GALNT17: variants seen among roughly 807,000 people sequenced by gnomAD.
GALNT17 encodes the protein UDP-GalNAc:polypeptide N-acetylgalactosaminyltransferase-like 3.
GALNT17 carries 29 observed loss-of-function variants against 63.7 expected under a neutral mutation model. The observed-to-expected ratio is 0.46, with a 90% confidence interval of 0.34 to 0.62. The LOEUF is 0.62. GALNT17 is among the 20% of genes least tolerant of loss of function. The pLI, the probability that GALNT17 is intolerant of heterozygous loss-of-function variation, is 0.01. For synonymous variants in GALNT17, 305 were observed against 318.3 expected, an observed-to-expected ratio of 0.96 and a Z score of 0.45; for missense variants, 603 against 799.6, an observed-to-expected ratio of 0.75 and a Z score of 2.97.
In GALNT17 at chr7:71,592,563, C is replaced by CTAAAATAAAATAAAATAAAATAAAA. The variant is rs71089963; in HGVS notation, c.1080+21181_1080+21205dup. Among the ~76,000 whole-genome samples, 168 of 69,744 alleles carry CTAAAATAAAATAAAATAAAATAAAA rather than the reference C, an allele frequency of 2.4e-3. 2 individuals are homozygous for CTAAAATAAAATAAAATAAAATAAAA. Among genetic ancestry groups the CTAAAATAAAATAAAATAAAATAAAA allele is most frequent in the Middle Eastern group, 0.011 (1 of 92 alleles). 45.8% of individuals were successfully genotyped at this position (69,744 alleles called of 152,430 possible). A position where few individuals can be genotyped will look rare whatever the true frequency, so the allele number is the denominator to read the frequency against. On this transcript the variant is annotated intron_variant, in intron 6 of 10. Coordinates refer to ENST00000333538, the MANE Select transcript of GALNT17 (RefSeq NM_022479.3). ...AAATAAAATAGCATAGCATAGCATA[C>CTAAAATAAAATAAAATAAAATAAAA]TAAAATAAAATAAAATAAAATAAAA... is the stretch of plus-strand genomic sequence containing the variant.
At chr7:71,420,464 G>A (rs1786641479) in intron 4 of GALNT17, among the ~76,000 whole-genome samples, 1 of 152,194 alleles carries the variant, frequency 6.6e-6, no homozygotes, top group Non-Finnish European at 1.5e-5. Flanking sequence ...CCTATTTTGG[G>A]AAAGGGAATT....
intron 6 of GALNT17, among the ~76,000 whole-genome samples, chr7:71,595,600 G>A (rs1307680022): frequency 2.0e-5 from 3 of 151,506 alleles, no homozygotes; most frequent in Non-Finnish European, 4.4e-5. Context: ...TGGCTTTGAA[G>A]ACGCCATCCT....
intron 6 of GALNT17, among the ~76,000 whole-genome samples, chr7:71,578,211 C>T (rs1248860202): frequency 6.6e-6 from 1 of 151,596 alleles, no homozygotes; most frequent in South Asian, 2.1e-4. Flanking sequence ...TAATTTTTTG[C>T]GTTTAATAGA....
intron 5 of GALNT17, among the ~76,000 whole-genome samples, chr7:71,525,246 G>A (rs781261552): frequency 2.6e-5 from 4 of 152,176 alleles, no homozygotes; most frequent in Non-Finnish European, 4.4e-5. Context: ...TGTGATCGCT[G>A]CTCACTGCAA....
intron 5 of GALNT17, among the ~76,000 whole-genome samples, chr7:71,552,411 C>T (rs1225190737): frequency 1.3e-5 from 2 of 148,648 alleles, no homozygotes; most frequent in Non-Finnish European, 3.0e-5. Context: ...TCCTAAGAAC[C>T]TTATACAGTA....
intron 5 of GALNT17, among the ~76,000 whole-genome samples, chr7:71,523,521 G>A (rs562755496): frequency 3.9e-5 from 6 of 152,236 alleles, no homozygotes; most frequent in African/African-American, 1.2e-4. Flanking sequence ...TTGGGAGGCT[G>A]AGGCAGGCAG....
chr7:71,441,013 G>C (rs1787056535), intron 5 of GALNT17, among the ~76,000 whole-genome samples: 1 of 136,512 alleles, frequency 7.3e-6, no homozygotes, highest in African/African-American at 2.5e-5. Context: ...TTTTTTTGTT[G>C]TTGTTCTTTT....
intron 9 of GALNT17, among the ~76,000 whole-genome samples, chr7:71,680,925 G>A (rs1284999783): frequency 1.4e-5 from 2 of 147,560 alleles, no homozygotes; most frequent in African/African-American, 5.0e-5. Context: ...TAAGAGATAG[G>A]GTCTTGCTGT....
At chr7:71,270,511 C>T (rs1396663677) in intron 1 of GALNT17, among the ~76,000 whole-genome samples, 3 of 127,768 alleles carry the variant, frequency 2.3e-5, no homozygotes, top group Admixed American at 2.0e-4. Flanking sequence ...GGCGACAGTG[C>T]GAGACTACGT....
intron 9 of GALNT17, among the ~76,000 whole-genome samples, chr7:71,682,820 C>T (rs1339262160): frequency 2.6e-5 from 4 of 152,088 alleles, no homozygotes; most frequent in Non-Finnish European, 4.4e-5. Flanking sequence ...TTCTCACCTC[C>T]GCCTCCCAAA....
At chr7:71,687,537 A>G (rs888597881) in intron 9 of GALNT17, among the ~76,000 whole-genome samples, 1 of 152,144 alleles carries the variant, frequency 6.6e-6, no homozygotes, top group Non-Finnish European at 1.5e-5. Flanking sequence ...CCAAGAAAAG[A>G]TGGCTTTGGT....
intron 5 of GALNT17, among the ~76,000 whole-genome samples, chr7:71,547,345 A>G (rs1213732189): frequency 6.6e-6 from 1 of 151,924 alleles, no homozygotes; most frequent in Non-Finnish European, 1.5e-5. Context: ...TTGTATTTTA[A>G]TTGAGACGGG....
intron 5 of GALNT17, among the ~76,000 whole-genome samples, chr7:71,446,681 TG>T (rs1251596654): frequency 6.6e-6 from 1 of 152,198 alleles, no homozygotes; most frequent in Non-Finnish European, 1.5e-5. Context: ...CCAGAGTAGC[TG>T]GGATTACAGG....
chr7:71,412,088 T>C (rs1466556716), intron 3 of GALNT17, among the ~76,000 whole-genome samples: 4 of 152,190 alleles, frequency 2.6e-5, no homozygotes, highest in Non-Finnish European at 5.9e-5. Context: ...TGTACCGCCT[T>C]GAGTATGGCT....
At chr7:71,168,625 A>G (rs983027828) in intron 1 of GALNT17, among the ~76,000 whole-genome samples, 1 of 152,098 alleles carries the variant, frequency 6.6e-6, no homozygotes. Flanking sequence ...ACGTTTTTAT[A>G]TACTCATATA....
rs775370808 is a variant in GALNT17, at chr7:71,415,921, C to T, written c.622C>T (p.His208Tyr). The T allele has an allele frequency of 1.9e-6, 3 of 1,612,444 alleles. No individual in the cohort carries two copies. The highest frequency in any genetic ancestry group is 2.2e-5 in the East Asian group (1 of 44,836). Reference sequence around the variant, plus strand: ...GAAGGTCCCCCTAGAGGAGTATGTCCACAAACGCTACCCCGGGCTGGTGAA... The same window carrying T: ...GAAGGTCCCCCTAGAGGAGTATGTCTACAAACGCTACCCCGGGCTGGTGAA... ...ELKVPLEEYV[H>Y]KRYPGLVKVV... The change falls in exon 4 of 11, where the codon CAC becomes TAC. Residue 208 changes from histidine to tyrosine, a missense_variant. Coordinates refer to ENST00000333538, the MANE Select transcript of GALNT17 (RefSeq NM_022479.3).
chr7:71,483,009 G>A (rs1004712668), intron 5 of GALNT17, among the ~76,000 whole-genome samples: 43 of 152,208 alleles, frequency 2.8e-4, no homozygotes, highest in African/African-American at 9.9e-4. Context: ...TCGCCTGCGG[G>A]CCGCTCACCT....
intron 5 of GALNT17, among the ~76,000 whole-genome samples, chr7:71,510,333 C>G (rs184346689): frequency 6.6e-6 from 1 of 152,164 alleles, no homozygotes; most frequent in African/African-American, 2.4e-5. Context: ...TTTTCATTAC[C>G]TCAGAAAGAG....
At chr7:71,486,541 C>A (rs560183358) in intron 5 of GALNT17, among the ~76,000 whole-genome samples, 1 of 151,604 alleles carries the variant, frequency 6.6e-6, no homozygotes, top group East Asian at 1.9e-4. Flanking sequence ...GCTGTAGGGG[C>A]GCTGTGACAC....
Sources: gnomAD v4.1 joint callset for allele counts (sites outside exome capture counted in the v4.1 genomes callset) on GRCh38, gnomAD v4.1.1 for gene constraint, MANE v1.5 for transcripts, NCBI Gene and HGNC (gene_info 2026-07-23, HGNC 2026-07-21) for gene names.